Variants in HYCC2 observed in about 807,000 individuals in gnomAD.
The protein encoded by HYCC2 is hyccin 2.
the HYCC2 span, among the ~76,000 whole-genome samples, chr2:201,016,036 T>G: frequency 6.6e-6 from 1 of 151,746 alleles, no homozygotes; most frequent in Non-Finnish European, 1.5e-5. Context: ...ACAGCAGGAG[T>G]TTCCTAAAAG....
At chr2:201,038,188 A>G in the HYCC2 span, among the ~76,000 whole-genome samples, 1 of 152,212 alleles carries the variant, frequency 6.6e-6, no homozygotes, top group South Asian at 2.1e-4. Context: ...CAAAACCACA[A>G]TGAGATACCA....
At chr2:201,063,728 GACA>G in the HYCC2 span, 1 of 1,582,996 alleles carries the variant, frequency 6.3e-7, no homozygotes, top group East Asian at 2.2e-5. Context: ...CAGTGGGAAT[GACA>G]ACTTTGGTCA....
chr2:201,015,855 G>C, the HYCC2 span, among the ~76,000 whole-genome samples: 1 of 151,962 alleles, frequency 6.6e-6, no homozygotes, highest in Admixed American at 6.6e-5. Context: ...AACCTCACCG[G>C]CTCCTCATCT....
At chr2:201,030,142 A>G in the HYCC2 span, among the ~76,000 whole-genome samples, 1 of 152,164 alleles carries the variant, frequency 6.6e-6, no homozygotes, top group Admixed American at 6.6e-5. Flanking sequence ...AAAAGGACAT[A>G]CTTTCCAAAA....
the HYCC2 span, among the ~76,000 whole-genome samples, chr2:201,051,586 T>G: frequency 6.6e-6 from 1 of 152,076 alleles, no homozygotes; most frequent in Non-Finnish European, 1.5e-5. Flanking sequence ...TACAACAGCA[T>G]TAAAAAATAA....
At chr2:201,023,872 AT>A in the HYCC2 span, 1 of 1,001,368 alleles carries the variant, frequency 1.0e-6, no homozygotes, top group South Asian at 1.4e-5. Context: ...CATAGAGCAC[AT>A]AATGTTTCTC....
At chr2:201,055,878 T>C in the HYCC2 span, among the ~76,000 whole-genome samples, 1 of 151,554 alleles carries the variant, frequency 6.6e-6, no homozygotes, top group Non-Finnish European at 1.5e-5. Flanking sequence ...TTGGGCAACA[T>C]AGAAAGACCC....
the HYCC2 span, chr2:201,022,997 C>T: frequency 9.5e-7 from 1 of 1,054,610 alleles, no homozygotes; most frequent in Non-Finnish European, 1.4e-6. Flanking sequence ...TTATTTTACA[C>T]AAATAGTTCT....
the HYCC2 span, among the ~76,000 whole-genome samples, chr2:201,055,033 AG>A: frequency 9.2e-4 from 140 of 152,314 alleles, no homozygotes; most frequent in African/African-American, 3.0e-3. Flanking sequence ...TGGTATTCAA[AG>A]AGTTGAGTCA....
chr2:201,023,888 G>C, the HYCC2 span: 4 of 1,139,820 alleles, frequency 3.5e-6, no homozygotes, highest in Non-Finnish European at 5.3e-6. Context: ...TTTCTCCATA[G>C]AGCACATATT....
the HYCC2 span, among the ~76,000 whole-genome samples, chr2:201,059,350 T>C: frequency 3.9e-5 from 6 of 152,204 alleles, no homozygotes; most frequent in African/African-American, 1.4e-4. Flanking sequence ...AATCCATCTC[T>C]TATACCTCTC....
the HYCC2 span, chr2:201,023,810 C>T: frequency 5.3e-6 from 3 of 561,322 alleles, no homozygotes; most frequent in Non-Finnish European, 9.5e-6. Flanking sequence ...TACAGAAACA[C>T]GTTATTTTGT....
At chr2:200,997,670 T>C in the HYCC2 span, 2 of 599,258 alleles carry the variant, frequency 3.3e-6, no homozygotes, top group Non-Finnish European at 6.0e-6. Flanking sequence ...TCCTCAAAGG[T>C]TTCCCTGTTT....
the HYCC2 span, among the ~76,000 whole-genome samples, chr2:201,052,563 GTGCCAC>G: frequency 6.6e-6 from 1 of 152,004 alleles, no homozygotes; most frequent in East Asian, 1.9e-4. Flanking sequence ...AGCCGTGACT[GTGCCAC>G]TGCACTGCAG....
chr2:200,993,738 T>C, the HYCC2 span, among the ~76,000 whole-genome samples: 2 of 151,830 alleles, frequency 1.3e-5, no homozygotes, highest in East Asian at 1.9e-4. Flanking sequence ...TCCCAGCACT[T>C]TGGGAGGCTG....
At chr2:201,060,056 G>C in the HYCC2 span, among the ~76,000 whole-genome samples, 1 of 120,964 alleles carries the variant, frequency 8.3e-6, no homozygotes, top group Non-Finnish European at 1.6e-5. Context: ...AAAAAAAGCG[G>C]GGGGGGGGGG....
the HYCC2 span, among the ~76,000 whole-genome samples, chr2:200,994,649 T>C: frequency 6.6e-6 from 1 of 152,214 alleles, no homozygotes; most frequent in Non-Finnish European, 1.5e-5. Flanking sequence ...AGAGGATATA[T>C]GAACAAAAGA....
chr2:200,981,964 TC>T, the HYCC2 span: 1 of 1,399,500 alleles, frequency 7.1e-7, no homozygotes, highest in Non-Finnish European at 9.6e-7. The surrounding 1 kb of genome is among the most constrained non-coding windows in gnomAD (Gnocchi z 4.5). Context: ...TGGGCAATGT[TC>T]GCTATAGGTT....
At chr2:200,974,709 T>C in the HYCC2 span, 1 of 151,986 alleles carries the variant, frequency 6.6e-6, no homozygotes, top group African/African-American at 2.4e-5. Context: ...TAAAACCTGT[T>C]TGGAACATCA....
Sources: gnomAD v4.1 joint callset for allele counts (sites outside exome capture counted in the v4.1 genomes callset) on GRCh38, gnomAD v4.1.1 for gene constraint, Gnocchi (gnomAD v3.1) non-coding constraint, MANE v1.5 for transcripts, NCBI Gene and HGNC (gene_info 2026-07-23, HGNC 2026-07-21) for gene names.